The following SCHIP1 variants were observed in gnomAD, a reference collection of about 807,000 sequenced individuals.
SCHIP1 encodes schwannomin-interacting protein 1.
A neutral mutation model predicts 29.7 loss-of-function variants in SCHIP1; 8 were observed. The ratio of observed to expected loss-of-function variants is 0.27; its 90% CI spans 0.16 to 0.49. The LOEUF (loss-of-function observed/expected upper bound fraction) is 0.49. Among genes scored for constraint, SCHIP1 ranks in the 20% least tolerant of loss-of-function variants. The pLI is 0.99. For synonymous variants in SCHIP1, 76 were observed against 94.9 expected, an observed-to-expected ratio of 0.80 and a Z score of 1.16; for missense variants, 193 against 294.6, an observed-to-expected ratio of 0.66 and a Z score of 2.52.
the SCHIP1 span, among the ~76,000 whole-genome samples, chr3:159,435,103 G>T: frequency 6.6e-6 from 1 of 152,076 alleles, no homozygotes; most frequent in Non-Finnish European, 1.5e-5. Context: ...GAAATATTAG[G>T]AGTCAATATG....
chr3:159,509,174 T>A, the SCHIP1 span, among the ~76,000 whole-genome samples: 1 of 152,234 alleles, frequency 6.6e-6, no homozygotes, highest in Non-Finnish European at 1.5e-5. Flanking sequence ...CATATATATT[T>A]AGGATAGTTA....
the SCHIP1 span, among the ~76,000 whole-genome samples, chr3:159,716,628 A>G: frequency 6.6e-6 from 1 of 152,202 alleles, no homozygotes; most frequent in Non-Finnish European, 1.5e-5. Flanking sequence ...AACAAAGATC[A>G]GAAGAGGAAA....
the SCHIP1 span, among the ~76,000 whole-genome samples, chr3:159,438,268 C>T: frequency 1.3e-5 from 2 of 152,074 alleles, no homozygotes; most frequent in African/African-American, 4.8e-5. Flanking sequence ...CTGAGGGGTT[C>T]TTTGGAGCAC....
At chr3:159,516,395 TC>T in the SCHIP1 span, among the ~76,000 whole-genome samples, 3 of 152,160 alleles carry the variant, frequency 2.0e-5, no homozygotes, top group African/African-American at 7.2e-5. Context: ...GTACTTTGAC[TC>T]CTCGCTCTGC....
At chr3:159,675,357 T>G in the SCHIP1 span, among the ~76,000 whole-genome samples, 1 of 152,246 alleles carries the variant, frequency 6.6e-6, no homozygotes, top group African/African-American at 2.4e-5. Flanking sequence ...TGTATTCTAA[T>G]GCTTCTCTGA....
chr3:159,558,239 G>A, the SCHIP1 span, among the ~76,000 whole-genome samples: 7 of 152,304 alleles, frequency 4.6e-5, no homozygotes, highest in East Asian at 9.7e-4. Context: ...AGAAAAACGG[G>A]AAGTATGCAT....
chr3:159,682,340 A>G, the SCHIP1 span, among the ~76,000 whole-genome samples: 2 of 152,174 alleles, frequency 1.3e-5, no homozygotes, highest in South Asian at 2.1e-4. Context: ...AGAAAAGCCA[A>G]TTGAGCATAA....
At chr3:159,533,071 T>C in the SCHIP1 span, among the ~76,000 whole-genome samples, 1 of 152,206 alleles carries the variant, frequency 6.6e-6, no homozygotes, top group Non-Finnish European at 1.5e-5. Flanking sequence ...AGTCACAGTC[T>C]ACTGGGTAAA....
At chr3:159,743,564 G>A in the SCHIP1 span, among the ~76,000 whole-genome samples, 12 of 152,298 alleles carry the variant, frequency 7.9e-5, no homozygotes, top group African/African-American at 2.6e-4. Context: ...GGTTACTTGA[G>A]TTTACACATT....
chr3:159,735,879 CTT>C, the SCHIP1 span, among the ~76,000 whole-genome samples: 1 of 152,164 alleles, frequency 6.6e-6, no homozygotes, highest in Non-Finnish European at 1.5e-5. Flanking sequence ...AGAGTCCACA[CTT>C]GTCCACTTAA....
At chr3:159,408,427 A>C in the SCHIP1 span, among the ~76,000 whole-genome samples, 64 of 151,678 alleles carry the variant, frequency 4.2e-4, no homozygotes, top group African/African-American at 1.3e-3. Context: ...AACCTTAGCC[A>C]CTCTAAGAGA....
chr3:159,836,825 C>G (rs139377695), upstream of SCHIP1, among the ~76,000 whole-genome samples: 271 of 152,284 alleles, frequency 1.8e-3, 1 homozygote, highest in African/African-American at 6.3e-3. Context: ...GTTTGGTAAA[C>G]TATTCTAGCT....
the SCHIP1 span, among the ~76,000 whole-genome samples, chr3:159,285,171 A>G: frequency 6.6e-6 from 1 of 152,108 alleles, no homozygotes; most frequent in Non-Finnish European, 1.5e-5. Context: ...TCATATAGAA[A>G]TATAATCCTA....
the SCHIP1 span, among the ~76,000 whole-genome samples, chr3:159,335,386 C>T: frequency 2.0e-5 from 3 of 152,018 alleles, no homozygotes; most frequent in Non-Finnish European, 4.4e-5. Flanking sequence ...TACATGTGCA[C>T]AATGCACAGG....
At chr3:159,566,579 G>T in the SCHIP1 span, among the ~76,000 whole-genome samples, 4 of 152,176 alleles carry the variant, frequency 2.6e-5, no homozygotes, top group Non-Finnish European at 4.4e-5. Flanking sequence ...AGACCTCAAT[G>T]ACAGTTGACA....
chr3:159,747,580 C>G, the SCHIP1 span, among the ~76,000 whole-genome samples: 1 of 152,120 alleles, frequency 6.6e-6, no homozygotes, highest in African/African-American at 2.4e-5. Flanking sequence ...GCAGGGACGA[C>G]GTGCCCAAGT....
the SCHIP1 span, among the ~76,000 whole-genome samples, chr3:159,529,895 C>T: frequency 2.0e-5 from 3 of 152,160 alleles, no homozygotes; most frequent in African/African-American, 4.8e-5. Context: ...CTTAACATAA[C>T]GTCCTCCAGT....
chr3:159,442,089 G>C, the SCHIP1 span, among the ~76,000 whole-genome samples: 1 of 152,204 alleles, frequency 6.6e-6, no homozygotes, highest in Admixed American at 6.5e-5. Flanking sequence ...GATGTGGCTA[G>C]AGTAGAGTGT....
chr3:159,765,350 G>C, the SCHIP1 span: 1 of 541,008 alleles, frequency 1.8e-6, no homozygotes, highest in African/African-American at 2.0e-5. Context: ...TGGGCGGAGA[G>C]GAAGGAGGAG....
Sources: allele counts gnomAD v4.1 joint callset (sites outside exome capture counted in the v4.1 genomes callset), GRCh38; gene constraint gnomAD v4.1.1; transcripts MANE v1.5; gene names NCBI Gene and HGNC (gene_info 2026-07-23, HGNC 2026-07-21).